The following AK5 variants were observed in gnomAD, a reference collection of about 807,000 sequenced individuals.
AK5 encodes adenylate kinase 5, also known as adenylate kinase isoenzyme 5.
Under a neutral mutation model 69.5 loss-of-function variants are expected in AK5, and 27 were observed. The observed-to-expected ratio is 0.39, with a 90% CI of 0.29 to 0.54. The LOEUF is 0.54. AK5 is among the 20% of genes least tolerant of loss of function. The pLI is 0.71. For synonymous variants in AK5, 260 were observed against 244.4 expected, an observed-to-expected ratio of 1.06 and a Z score of -0.60; for missense variants, 531 against 700.4, an observed-to-expected ratio of 0.76 and a Z score of 2.73.
intron 2 of AK5, among the ~76,000 whole-genome samples, chr1:77,293,081 A>G (rs1265086044): frequency 6.6e-6 from 1 of 152,136 alleles, no homozygotes; most frequent in Non-Finnish European, 1.5e-5. Context: ...ACATCTTTTA[A>G]TCAAGTAGAT....
At chr1:77,485,815 G>A (rs192973857) in intron 9 of AK5, among the ~76,000 whole-genome samples, 1 of 152,124 alleles carries the variant, frequency 6.6e-6, no homozygotes, top group Non-Finnish European at 1.5e-5. Flanking sequence ...TTACCGGGGT[G>A]GGGGAATAAG....
intron 5 of AK5, among the ~76,000 whole-genome samples, chr1:77,307,912 G>GT (rs1443351166): frequency 6.6e-6 from 1 of 152,184 alleles, no homozygotes; most frequent in African/African-American, 2.4e-5. Context: ...TCATGAAGGT[G>GT]TTTTTTCTAT....
At chr1:77,457,142 C>T (rs1185188577) in intron 8 of AK5, among the ~76,000 whole-genome samples, 2 of 152,002 alleles carry the variant, frequency 1.3e-5, no homozygotes, top group African/African-American at 4.8e-5. Flanking sequence ...GTGACCTGTG[C>T]CCTCCTCTCT....
At chr1:77,453,427 A>G (rs138208567) in intron 8 of AK5, among the ~76,000 whole-genome samples, 20 of 152,226 alleles carry the variant, frequency 1.3e-4, no homozygotes, top group African/African-American at 4.6e-4. Context: ...TGTTTGTTCA[A>G]TCTATGCTGA....
chr1:77,479,052 C>T (rs1410418519), intron 8 of AK5, among the ~76,000 whole-genome samples: 4 of 151,860 alleles, frequency 2.6e-5, no homozygotes, highest in African/African-American at 9.7e-5. Context: ...AGTCTCTAAT[C>T]CAAATCTGCA....
At chr1:77,342,298 T>C (rs989513907) in intron 6 of AK5, among the ~76,000 whole-genome samples, 1 of 152,184 alleles carries the variant, frequency 6.6e-6, no homozygotes, top group African/African-American at 2.4e-5. Context: ...AATTGATGTT[T>C]GTAAGGCTCA....
intron 6 of AK5, among the ~76,000 whole-genome samples, chr1:77,352,972 T>A (rs74090475): frequency 0.013 from 2,030 of 152,330 alleles, 49 homozygotes; most frequent in African/African-American, 0.046. Context: ...AGGTCACTTA[T>A]GAGACCTAAT....
chr1:77,429,530 C>G (rs1181459578), intron 8 of AK5, among the ~76,000 whole-genome samples: 1 of 152,164 alleles, frequency 6.6e-6, no homozygotes, highest in Non-Finnish European at 1.5e-5. Flanking sequence ...GGCACAGTTC[C>G]TGCTATCATA....
Position 77,287,411 on chromosome 1 carries a change from T to G in AK5, c.247+284T>G, listed in dbSNP as rs189455772. Among the ~76,000 whole-genome samples the G allele has an allele frequency of 7.7e-4, 117 of 152,348 alleles. 1 individual carries two copies. The highest frequency in any genetic ancestry group is 3.1e-3 in the Admixed American group (47 of 15,298). On this transcript the variant is annotated intron_variant, in intron 2 of 13. Coordinates refer to ENST00000354567, the MANE Select transcript of AK5 (RefSeq NM_174858.3). ...TTACATTAGCAAGCCATACATACAT[T>G]TTCCTTAAAATTGCAAACAAGATTT...
At chr1:77,376,268 C>T (rs1647232357) in intron 6 of AK5, among the ~76,000 whole-genome samples, 2 of 151,980 alleles carry the variant, frequency 1.3e-5, no homozygotes, top group Admixed American at 6.5e-5. Flanking sequence ...CTCCATCCCT[C>T]TCTCCATCAT....
rs80210234 is a variant in AK5, at chr1:77,386,770, T to C, written c.892-24211T>C. Among the ~76,000 whole-genome samples, 49 of 152,330 alleles carry C rather than the reference T, an allele frequency of 3.2e-4. No individual in the cohort carries two copies. In the East Asian group the frequency reaches 6.9e-3, roughly 22 times the overall value. On this transcript the variant is annotated intron_variant, in intron 6 of 13. Coordinates refer to ENST00000354567, the MANE Select transcript of AK5 (RefSeq NM_174858.3). ...ACATTTTTGTTAAGTATAGTCATCC[T>C]ACTCTGTTATCAACATCATTTAATT...
intron 13 of AK5, among the ~76,000 whole-genome samples, chr1:77,540,043 G>A (rs1355974219): frequency 6.6e-6 from 1 of 152,180 alleles, no homozygotes; most frequent in Admixed American, 6.5e-5. Flanking sequence ...CCTCTACCCA[G>A]CAATGCTGAC....
At chr1:77,557,070 C>G (rs553374535) in intron 13 of AK5, among the ~76,000 whole-genome samples, 3 of 152,058 alleles carry the variant, frequency 2.0e-5, no homozygotes, top group Non-Finnish European at 4.4e-5. Context: ...TACCTCCCCC[C>G]ACATATACAC....
At chr1:77,475,545 T>C (rs61784769) in intron 8 of AK5, among the ~76,000 whole-genome samples, 22,275 of 75,202 alleles carry the variant, frequency 0.3, 3,940 homozygotes, top group Middle Eastern at 0.47. Context: ...CAAATATATA[T>C]TATATATATA....
At chr1:77,368,905 A>G (rs1647068817) in intron 6 of AK5, among the ~76,000 whole-genome samples, 1 of 152,054 alleles carries the variant, frequency 6.6e-6, no homozygotes, top group Non-Finnish European at 1.5e-5. Context: ...TCCTTAGTCA[A>G]CCTATAATAT....
chr1:77,470,858 TATA>T (rs1654446107), intron 8 of AK5, among the ~76,000 whole-genome samples: 2 of 9,242 alleles, frequency 2.2e-4, no homozygotes, highest in African/African-American at 9.0e-4. Context: ...TATATATATA[TATA>T]TATATATATA....
At chr1:77,508,490 A>G (rs1570280059) in intron 10 of AK5, among the ~76,000 whole-genome samples, 1 of 151,926 alleles carries the variant, frequency 6.6e-6, no homozygotes, top group Admixed American at 6.6e-5. Context: ...GGGCGTAAAA[A>G]CCTCTGCTCC....
chr1:77,532,582 G>A (rs1658710050), intron 12 of AK5, among the ~76,000 whole-genome samples: 1 of 152,350 alleles, frequency 6.6e-6, no homozygotes. Flanking sequence ...TCCTTAAAGT[G>A]GGAATAATCA....
At chr1:77,425,576 G>A (rs1206940658) in intron 8 of AK5, among the ~76,000 whole-genome samples, 1 of 152,060 alleles carries the variant, frequency 6.6e-6, no homozygotes, top group Non-Finnish European at 1.5e-5. Context: ...GATAGAGCAA[G>A]ACTCTGTCTC....
Sources: gnomAD v4.1 joint callset for allele counts (sites outside exome capture counted in the v4.1 genomes callset) on GRCh38, gnomAD v4.1.1 for gene constraint, MANE v1.5 for transcripts, NCBI Gene and HGNC (gene_info 2026-07-23, HGNC 2026-07-21) for gene names.